The following PTPRD variants were observed in gnomAD, a reference collection of about 807,000 sequenced individuals.
The protein encoded by PTPRD is protein tyrosine phosphatase receptor type D.
PTPRD carries 34 observed loss-of-function variants against 214.5 expected under a neutral mutation model. The ratio of observed to expected loss-of-function variants is 0.16; its 90% CI spans 0.12 to 0.21. PTPRD has a LOEUF of 0.21. Ranked by LOEUF, PTPRD falls within the 10% of genes least tolerant of loss-of-function variation. The probability of loss-of-function intolerance (pLI) is 1.00; values close to 1 mark genes in which losing one functional copy is unlikely to be tolerated. For synonymous variants in PTPRD, 1,128 were observed against 845.7 expected (o/e 1.33, Z -5.79); for missense variants, 2,545 against 2,398.7 (o/e 1.06, Z -1.27).
At position 10,111,499 on chromosome 9, in the gene PTPRD, A is replaced by G. The variant is rs548540955; in HGVS notation, c.-544-77709T>C. ...GTGATCCGCCCGCCTCGGCCTCCCA[A>G]AGTGCTGGGATTACAGGCGTGAGCC... On this transcript the variant is annotated intron_variant, in intron 3 of 45. Coordinates refer to ENST00000381196, the MANE Select transcript of PTPRD (RefSeq NM_002839.4). 2.0e-5 allele frequency among the ~76,000 whole-genome samples: 3 copies of G among 151,896 alleles called. No homozygotes were observed. The South Asian group carries it at 6.2e-4, about 32-fold the overall frequency.
chr9:9,549,956 A>T (rs1220871612), intron 8 of PTPRD, among the ~76,000 whole-genome samples: 1 of 152,100 alleles, frequency 6.6e-6, no homozygotes, highest in Non-Finnish European at 1.5e-5. Flanking sequence ...TTTCTGCCCA[A>T]TAGATAATTG....
At chr9:8,960,366 C>A (rs1436687684) in intron 11 of PTPRD, among the ~76,000 whole-genome samples, 2 of 152,036 alleles carry the variant, frequency 1.3e-5, no homozygotes, top group Non-Finnish European at 2.9e-5. Context: ...GGCTGCCATA[C>A]TTAGGAACCT....
chr9:8,960,608 G>A (rs1415882721), intron 11 of PTPRD, among the ~76,000 whole-genome samples: 4 of 152,078 alleles, frequency 2.6e-5, no homozygotes, highest in African/African-American at 9.7e-5. Flanking sequence ...CATTCTAGCT[G>A]CCCTAGCTCC....
chr9:9,694,548 C>T (rs1294364354), intron 7 of PTPRD, among the ~76,000 whole-genome samples: 1 of 152,024 alleles, frequency 6.6e-6, no homozygotes, highest in African/African-American at 2.4e-5. Flanking sequence ...AGGCTCTACC[C>T]TTCAGGATTG....
rs71317396 is a variant in PTPRD at position 9,030,276 on chromosome 9, CTTTTTTTTTTTTTTTTTTT to C, written c.-142-11560_-142-11542del. Among the ~76,000 whole-genome samples the C allele has an allele frequency of 9.5e-4, 36 of 37,930 alleles. 2 individuals carry two copies. The South Asian group carries it at 0.057, about 60-fold the overall frequency. 24.9% of individuals were successfully genotyped at this position (37,930 alleles called of 152,430 possible). ...TTGGATCACATGGGCCACACTTGGG[CTTTTTTTTTTTTTTTTTTT>C]TTTTTTTTTTTTTACAGATATCTTT... On this transcript the variant is annotated intron_variant, in intron 10 of 45. Coordinates refer to ENST00000381196, the MANE Select transcript of PTPRD (RefSeq NM_002839.4).
chr9:10,339,718 T>A (rs1597472306), intron 3 of PTPRD, among the ~76,000 whole-genome samples: 1 of 151,796 alleles, frequency 6.6e-6, no homozygotes, highest in Non-Finnish European at 1.5e-5. Flanking sequence ...AGTCCTGTTA[T>A]CTTTAAGAGA....
At chr9:10,308,875 G>T (rs545316404) in intron 3 of PTPRD, among the ~76,000 whole-genome samples, 1 of 152,152 alleles carries the variant, frequency 6.6e-6, no homozygotes, top group African/African-American at 2.4e-5. Flanking sequence ...TCACTGGGCG[G>T]TTAGACTGCT....
intron 12 of PTPRD, among the ~76,000 whole-genome samples, chr9:8,711,464 G>A (rs1182261343): frequency 6.6e-6 from 1 of 152,062 alleles, no homozygotes; most frequent in East Asian, 1.9e-4. Context: ...AAGTCCTTAA[G>A]AAAAACAACT....
At chr9:9,753,940 G>T (rs1339241090) in intron 6 of PTPRD, among the ~76,000 whole-genome samples, 2 of 151,902 alleles carry the variant, frequency 1.3e-5, no homozygotes, top group African/African-American at 4.8e-5. Flanking sequence ...TCCTCAAATA[G>T]ACTCAGATGT....
chr9:10,467,923 G>C (rs1248906640), intron 2 of PTPRD, among the ~76,000 whole-genome samples: 2 of 152,124 alleles, frequency 1.3e-5, no homozygotes, highest in African/African-American at 4.8e-5. Flanking sequence ...TTGGTCATTA[G>C]AGAAACACAA....
At chr9:9,994,963 G>C (rs1172613159) in intron 4 of PTPRD, among the ~76,000 whole-genome samples, 3 of 151,686 alleles carry the variant, frequency 2.0e-5, no homozygotes, top group African/African-American at 7.3e-5. Context: ...TATTCCTTTA[G>C]TACATTTAAA....
At chr9:8,379,158 G>A (rs574439674) in intron 37 of PTPRD, among the ~76,000 whole-genome samples, 48 of 152,108 alleles carry the variant, frequency 3.2e-4, no homozygotes, top group African/African-American at 1.1e-3. Context: ...TTTTTAAAGC[G>A]GATATGTCTA....
intron 9 of PTPRD, among the ~76,000 whole-genome samples, chr9:9,321,556 G>A (rs200227899): frequency 1.2e-3 from 160 of 138,248 alleles, no homozygotes; most frequent in South Asian, 1.7e-3. Context: ...ACTCCACTGA[G>A]AAAAAAAAAA....
chr9:8,489,657 A>T (rs1433411304), intron 27 of PTPRD, among the ~76,000 whole-genome samples: 1 of 152,236 alleles, frequency 6.6e-6, no homozygotes, highest in Non-Finnish European at 1.5e-5. Context: ...AATGCAGTTT[A>T]AACAGGCTGG....
intron 11 of PTPRD, among the ~76,000 whole-genome samples, chr9:8,989,415 G>A (rs1053930664): frequency 2.6e-5 from 4 of 151,826 alleles, no homozygotes; most frequent in Non-Finnish European, 5.9e-5. Flanking sequence ...CTATCTCTAT[G>A]AAATCTATTT....
chr9:8,947,014 A>AT (rs143478859), intron 11 of PTPRD, among the ~76,000 whole-genome samples: 41,790 of 106,608 alleles, frequency 0.39, 6,463 homozygotes, highest in Middle Eastern at 0.44. Flanking sequence ...GTCTCTCTGT[A>AT]TTTTTTTTTC....
At position 8,375,949 on chromosome 9, in the gene PTPRD, C is replaced by T; in HGVS notation, c.4648G>A (p.Val1550Ile). The T allele has an allele frequency of 6.2e-7, 1 of 1,612,272 alleles. No individual in the cohort carries two copies. Among genetic ancestry groups the T allele is most frequent in the Non-Finnish European group, 8.5e-7 (1 of 1,178,908 alleles). ...TCNPPDAGPM[V>I]VHCSAGVGRT... ...AACGCTTCTTACCTGCAGTGCACAACCATCGGACCAGCATCGGGAGGGTTA... is the reference window on the plus strand; with the variant it reads ...AACGCTTCTTACCTGCAGTGCACAATCATCGGACCAGCATCGGGAGGGTTA... Residue 1550 changes from valine to isoleucine, a missense_variant, in exon 39 of 46, where the codon GTT becomes ATT. Val to Ile is a conservative substitution (Grantham distance 29). Coordinates refer to ENST00000381196, the MANE Select transcript of PTPRD (RefSeq NM_002839.4).
chr9:9,510,873 C>A (rs546418618), intron 8 of PTPRD, among the ~76,000 whole-genome samples: 7 of 151,564 alleles, frequency 4.6e-5, no homozygotes, highest in Non-Finnish European at 1.0e-4. Context: ...ACAAAAATAT[C>A]CCAGAGCAAG....
chr9:9,375,270 G>T (rs1181245444), intron 9 of PTPRD, among the ~76,000 whole-genome samples: 1 of 152,124 alleles, frequency 6.6e-6, no homozygotes, highest in South Asian at 2.1e-4. Context: ...GAAATGTTGT[G>T]CAGGTATCCA....
Sources: gnomAD v4.1 joint callset for allele counts (sites outside exome capture counted in the v4.1 genomes callset) on GRCh38, gnomAD v4.1.1 for gene constraint, MANE v1.5 for transcripts, NCBI Gene and HGNC (gene_info 2026-07-23, HGNC 2026-07-21) for gene names.